The following GPC5 variants were observed in gnomAD, a reference collection of about 807,000 sequenced individuals.
The protein encoded by GPC5 is glypican 5.
A neutral mutation model predicts 53.9 loss-of-function variants in GPC5; 47 were observed. The ratio of observed to expected loss-of-function variants is 0.87; its 90% confidence interval spans 0.69 to 1.11. The LOEUF (loss-of-function observed/expected upper bound fraction) is 1.11, where lower values mean the gene tolerates loss of function less well. Ranked by LOEUF, GPC5 falls within the 50% of genes most tolerant of loss-of-function variation. GPC5 has a pLI of 0.00. For missense variants in GPC5, 748 were observed against 713.1 expected, an observed-to-expected ratio of 1.05 and a Z score of -0.56; for synonymous variants, 286 against 263.3, an observed-to-expected ratio of 1.09 and a Z score of -0.84.
At chr13:91,538,526 C>T (rs886862959) in intron 2 of GPC5, among the ~76,000 whole-genome samples, 1 of 151,316 alleles carries the variant, frequency 6.6e-6, no homozygotes, top group Non-Finnish European at 1.5e-5. Context: ...TTTACTATTG[C>T]TAAAAGCCAT....
chr13:92,388,758 A>C (rs1874859717), intron 7 of GPC5, among the ~76,000 whole-genome samples: 1 of 152,110 alleles, frequency 6.6e-6, no homozygotes, highest in Non-Finnish European at 1.5e-5. Flanking sequence ...TGAGCATTTT[A>C]ATAAGCTTTA....
At chr13:92,184,977 G>T (rs9560963) in intron 7 of GPC5, among the ~76,000 whole-genome samples, 31,648 of 152,046 alleles carry the variant, frequency 0.21, 4,289 homozygotes, top group East Asian at 0.69. Flanking sequence ...AAAACAACAG[G>T]ATTTTTAAAT....
At position 92,866,515 on chromosome 13, in the gene GPC5, TC is replaced by T; in HGVS notation, c.*78del. 1 of 1,154,988 alleles carries T rather than the reference TC, an allele frequency of 8.7e-7. No individual in the cohort carries two copies. The highest frequency in any genetic ancestry group is 1.2e-6 in the Non-Finnish European group (1 of 852,386). The allele number at this position is 1,154,988 out of a possible 1,614,324, so 71.5% of individuals were successfully genotyped here. ...CTCTGCATATGCCTGGAATAAGAGA[TC>T]CTTTTTCAATGTAACAATTATATTT... On this transcript the variant is annotated 3_prime_UTR_variant, in exon 8 of 8. Coordinates refer to ENST00000377067, the MANE Select transcript of GPC5 (RefSeq NM_004466.6).
intron 7 of GPC5, among the ~76,000 whole-genome samples, chr13:92,330,587 T>C (rs185513436): frequency 6.6e-6 from 1 of 152,170 alleles, no homozygotes; most frequent in Non-Finnish European, 1.5e-5. Flanking sequence ...GAATCAGGAA[T>C]TGGAAAATTG....
Position 92,838,478 on chromosome 13 carries a change from G to GCCC in GPC5, c.1562-27803_1562-27802insCCC, listed in dbSNP as rs199677147. On this transcript the variant is annotated intron_variant, in intron 7 of 7. Coordinates refer to ENST00000377067, the MANE Select transcript of GPC5 (RefSeq NM_004466.6). ...AGCCTGGGCTACAGAGTGAGACTCC[G>GCCC]CGCCCCCCCCAAAAAAAAAAAGAAA... Among the ~76,000 whole-genome samples, 6 of 142,350 alleles carry GCCC rather than the reference G, an allele frequency of 4.2e-5. No individual in the cohort carries two copies. In the South Asian group the frequency reaches 7.1e-4, roughly 17 times the overall value. The allele number at this position is 142,350 out of a possible 152,430, so 93.4% of individuals were successfully genotyped here. A position where few individuals can be genotyped will look rare whatever the true frequency, so the allele number is the denominator to read the frequency against.
chr13:92,691,530 G>A (rs9523771), intron 7 of GPC5, among the ~76,000 whole-genome samples: 23,255 of 151,400 alleles, frequency 0.15, 2,159 homozygotes, highest in Non-Finnish European at 0.22. Flanking sequence ...CGTCTTCTGC[G>A]TCGCTCACGC....
At chr13:91,454,426 A>G (rs997443764) in intron 2 of GPC5, among the ~76,000 whole-genome samples, 1 of 152,068 alleles carries the variant, frequency 6.6e-6, no homozygotes, top group African/African-American at 2.4e-5. Context: ...GGCTATGGTA[A>G]TCTCATCTTG....
intron 7 of GPC5, among the ~76,000 whole-genome samples, chr13:92,202,249 G>A (rs1360173626): frequency 3.3e-5 from 5 of 152,170 alleles, no homozygotes; most frequent in Admixed American, 6.5e-5. Flanking sequence ...CTGGAATAAT[G>A]TATCTAGATC....
chr13:92,159,013 A>G (rs924019482), intron 7 of GPC5, among the ~76,000 whole-genome samples: 2 of 152,150 alleles, frequency 1.3e-5, no homozygotes, highest in Non-Finnish European at 2.9e-5. Context: ...CACATGTTCT[A>G]TGATTCTGAA....
At chr13:92,781,461 G>A (rs1474336759) in intron 7 of GPC5, among the ~76,000 whole-genome samples, 1 of 151,934 alleles carries the variant, frequency 6.6e-6, no homozygotes, top group African/African-American at 2.4e-5. Flanking sequence ...TAGGCACTTA[G>A]AAAATAGTAT....
In GPC5 at chr13:92,273,921, A is replaced by C. The variant is rs115625821; in HGVS notation, c.1561+128932A>C. 4.4e-3 allele frequency among the ~76,000 whole-genome samples: 666 copies of C among 152,284 alleles called. 6 individuals are homozygous for C. Among genetic ancestry groups the C allele is most frequent in the African/African-American group, 0.014 (583 of 41,568 alleles). On this transcript the variant is annotated intron_variant, in intron 7 of 7. Coordinates refer to ENST00000377067, the MANE Select transcript of GPC5 (RefSeq NM_004466.6). Reference sequence around the variant, plus strand: ...CAAAACGATTCCTGTGTGACCCTTCAGTAGACTGCCAAACATAGTCTAGAG... The same window carrying C: ...CAAAACGATTCCTGTGTGACCCTTCCGTAGACTGCCAAACATAGTCTAGAG...
intron 6 of GPC5, among the ~76,000 whole-genome samples, chr13:91,930,406 A>T (rs2039810387): frequency 1.3e-5 from 2 of 152,046 alleles, no homozygotes; most frequent in Admixed American, 6.6e-5. Flanking sequence ...TATTTCAGCT[A>T]TATTTTCATT....
At chr13:92,128,953 A>C (rs1055801432) in intron 6 of GPC5, among the ~76,000 whole-genome samples, 2 of 152,102 alleles carry the variant, frequency 1.3e-5, no homozygotes, top group Admixed American at 1.3e-4. Context: ...ACAGAGTGAG[A>C]CTCCATTTCA....
intron 7 of GPC5, among the ~76,000 whole-genome samples, chr13:92,715,556 C>T (rs1345369412): frequency 6.6e-6 from 1 of 152,180 alleles, no homozygotes; most frequent in Non-Finnish European, 1.5e-5. Context: ...CATATGATGA[C>T]TTCATTCATT....
At chr13:91,618,418 A>G (rs1360039487) in intron 2 of GPC5, among the ~76,000 whole-genome samples, 2 of 152,088 alleles carry the variant, frequency 1.3e-5, no homozygotes, top group East Asian at 1.9e-4. Flanking sequence ...CCCATCATCA[A>G]TATTGGTGTT....
At chr13:91,928,036 G>T (rs2039785174) in intron 6 of GPC5, among the ~76,000 whole-genome samples, 1 of 152,162 alleles carries the variant, frequency 6.6e-6, no homozygotes, top group Non-Finnish European at 1.5e-5. Flanking sequence ...AACTGATTTT[G>T]CATGTGGGTG....
intron 7 of GPC5, among the ~76,000 whole-genome samples, chr13:92,596,258 T>C (rs1440794353): frequency 1.3e-5 from 2 of 152,050 alleles, no homozygotes; most frequent in Non-Finnish European, 2.9e-5. Flanking sequence ...TATCACTTAC[T>C]TTGGGAAGCA....
chr13:91,911,771 G>T (rs1354739855), intron 6 of GPC5, among the ~76,000 whole-genome samples: 1 of 152,182 alleles, frequency 6.6e-6, no homozygotes, highest in Non-Finnish European at 1.5e-5. Context: ...TGGAAGCGGG[G>T]TTATTGGGAT....
At chr13:92,202,418 A>T (rs2042301834) in intron 7 of GPC5, among the ~76,000 whole-genome samples, 1 of 152,228 alleles carries the variant, frequency 6.6e-6, no homozygotes, top group South Asian at 2.1e-4. Flanking sequence ...AAGGACAGCT[A>T]ATCAAGTGAG....
Sources: allele counts gnomAD v4.1 joint callset (sites outside exome capture counted in the v4.1 genomes callset), GRCh38; gene constraint gnomAD v4.1.1; transcripts MANE v1.5; gene names NCBI Gene and HGNC (gene_info 2026-07-23, HGNC 2026-07-21).